The following TNPO3 variants were observed in gnomAD, a reference collection of about 807,000 sequenced individuals.
TNPO3 encodes the protein transportin 3, also known as transportin-3.
TNPO3 carries 65 observed loss-of-function variants against 122.8 expected under a neutral mutation model. The observed-to-expected ratio is 0.53, with a 90% CI of 0.43 to 0.65. The LOEUF (loss-of-function observed/expected upper bound fraction) is 0.65. Among genes scored for constraint, TNPO3 ranks in the 30% least tolerant of loss-of-function variants. The pLI is 0.00. For missense variants in TNPO3, 850 were observed against 1,136.7 expected (o/e 0.75, Z 3.63); for synonymous variants, 372 against 411.2 (o/e 0.90, Z 1.15).
chr7:128,979,118 C>T lies in TNPO3; in HGVS notation c.1926G>A (p.Trp642Ter), dbSNP rs760024167. 2 of 1,613,844 alleles carry T rather than the reference C, an allele frequency of 1.2e-6. No homozygotes were observed. Among genetic ancestry groups the T allele is most frequent in the South Asian group, 1.1e-5 (1 of 91,076 alleles). ...TATTTAGAGTCTCGGATAAAACTGG[C>T]CATATCTGGGTCAAAAGTAAAAGAG... ...HPCQKVIQEI[W>*]PVLSETLNKH... is the part of the protein sequence containing the mutation. Residue 642 changes from tryptophan (W) to a stop codon, truncating the protein, a stop_gained, in exon 16 of 23, where the codon TGG becomes TGA. Transcript: ENST00000265388. LOFTEE classifies it high-confidence loss of function.
intron 1 of TNPO3, among the ~76,000 whole-genome samples, chr7:129,033,066 C>T (rs1050372113): frequency 7.2e-5 from 11 of 151,986 alleles, no homozygotes; most frequent in African/African-American, 1.7e-4. Context: ...TGATCTTTGT[C>T]AAGGGTGCCA....
chr7:129,015,800 T>A (rs1287176410), intron 3 of TNPO3, among the ~76,000 whole-genome samples: 2 of 152,292 alleles, frequency 1.3e-5, no homozygotes, highest in East Asian at 3.9e-4. Context: ...ACCACTGCAC[T>A]TCAGCCTGGG....
At chr7:128,996,448 A>C (rs1173951319) in intron 8 of TNPO3, among the ~76,000 whole-genome samples, 1 of 152,108 alleles carries the variant, frequency 6.6e-6, no homozygotes, top group East Asian at 1.9e-4. Flanking sequence ...CTATTTAATA[A>C]GGTACAAAAT....
At chr7:129,020,791 A>T (rs1318989685) in intron 1 of TNPO3, among the ~76,000 whole-genome samples, 1 of 152,086 alleles carries the variant, frequency 6.6e-6, no homozygotes, top group Admixed American at 6.5e-5. Context: ...TACAATCTCC[A>T]CAAATCCCTC....
At chr7:128,968,222 T>G (rs774598890) in intron 20 of TNPO3, among the ~76,000 whole-genome samples, 39 of 152,232 alleles carry the variant, frequency 2.6e-4, no homozygotes, top group Non-Finnish European at 4.3e-4. Flanking sequence ...GCCATCTCTC[T>G]CAGAATAAGT....
chr7:128,962,722 A>T (rs1466685921), intron 21 of TNPO3, among the ~76,000 whole-genome samples: 1 of 152,212 alleles, frequency 6.6e-6, no homozygotes, highest in Non-Finnish European at 1.5e-5. Context: ...TGCTATAGGA[A>T]GAGCTGCAAA....
Position 128,979,214 on chromosome 7 carries a change from T to C in TNPO3, c.1921-91A>G, listed in dbSNP as rs531054654. The C allele has an allele frequency of 6.4e-5, 97 of 1,509,344 alleles. 1 individual carries two copies. The South Asian group carries it at 1.1e-3, about 18-fold the overall frequency. 93.5% of individuals were successfully genotyped at this position (1,509,344 alleles called of 1,614,324 possible). A position where few individuals can be genotyped will look rare whatever the true frequency, so the allele number is the denominator to read the frequency against. On this transcript the variant is annotated intron_variant, in intron 15 of 22. Transcript: ENST00000265388. ...AGTTGGTAACACCTCATTTAGCTTT[T>C]AAATAACTGGGACAAAACTTTCTGT...
chr7:129,008,314 C>T lies in TNPO3; in HGVS notation c.553-3155G>A, dbSNP rs1366606259. On this transcript the variant is annotated intron_variant, in intron 4 of 22. Transcript: ENST00000265388. ...GGAGGATCGCTTGAGCCCAGGAGTT[C>T]TAGACTAATCTGAGCAACAAAGTTA... is the stretch of plus-strand genomic sequence containing the variant. Among the ~76,000 whole-genome samples the T allele has an allele frequency of 3.3e-5, 5 of 151,802 alleles. No individual in the cohort carries two copies. The South Asian group carries it at 1.0e-3, about 32-fold the overall frequency.
Position 129,054,634 on chromosome 7 carries a change from C to A in TNPO3, c.120+17G>T. On this transcript the variant is annotated intron_variant, in intron 1 of 22. Coordinates refer to ENST00000265388, the MANE Select transcript of TNPO3 (RefSeq NM_012470.4). ...CCCCGGCCGTGCGGCACAGAACTGCCTCTCTGGGCCCCTCACCGAACGCTG... is the reference window on the plus strand; with the variant it reads ...CCCCGGCCGTGCGGCACAGAACTGCATCTCTGGGCCCCTCACCGAACGCTG... 2 of 1,613,022 alleles carry A rather than the reference C, an allele frequency of 1.2e-6. No homozygotes were observed. The highest frequency in any genetic ancestry group is 2.2e-5 in the South Asian group (2 of 91,064).
intron 14 of TNPO3, among the ~76,000 whole-genome samples, chr7:128,980,740 C>A (rs1420268914): frequency 6.6e-6 from 1 of 152,048 alleles, no homozygotes; most frequent in African/African-American, 2.4e-5. Context: ...AACAACAAAA[C>A]CAAACCTGAA....
intron 9 of TNPO3, among the ~76,000 whole-genome samples, chr7:128,992,939 AG>A (rs929864358): frequency 6.6e-6 from 1 of 152,158 alleles, no homozygotes; most frequent in Non-Finnish European, 1.5e-5. Context: ...AGCTAAAGAG[AG>A]ATGAGCTGAA....
chr7:129,024,646 A>T (rs1804895969), intron 1 of TNPO3, among the ~76,000 whole-genome samples: 1 of 152,196 alleles, frequency 6.6e-6, no homozygotes, highest in East Asian at 1.9e-4. Context: ...AAGGGAGAGT[A>T]GAACTGAATC....
chr7:129,039,794 C>G (rs1479606211), intron 1 of TNPO3, among the ~76,000 whole-genome samples: 1 of 152,106 alleles, frequency 6.6e-6, no homozygotes, highest in Non-Finnish European at 1.5e-5. Context: ...TTGAAAACAT[C>G]ATACTAACTG....
At chr7:129,035,448 G>C (rs1006970554) in intron 1 of TNPO3, among the ~76,000 whole-genome samples, 16 of 151,924 alleles carry the variant, frequency 1.1e-4, no homozygotes, top group African/African-American at 3.9e-4. Flanking sequence ...ACACAAAAAA[G>C]AAAGAAAAAA....
intron 19 of TNPO3, 103 bp downstream of exon 19, chr7:128,972,323 G>A (rs1483107781): frequency 9.2e-6 from 12 of 1,299,458 alleles, no homozygotes. Flanking sequence ...TACCAATATA[G>A]ATCAAGTAAG....
At chr7:129,015,955 A>T (rs1285295381) in intron 3 of TNPO3, among the ~76,000 whole-genome samples, 1 of 152,082 alleles carries the variant, frequency 6.6e-6, no homozygotes, top group Non-Finnish European at 1.5e-5. Context: ...TTTATTTAAA[A>T]AATAAGCTAT....
At chr7:129,049,438 T>C (rs2150566334) in intron 1 of TNPO3, among the ~76,000 whole-genome samples, 1 of 152,226 alleles carries the variant, frequency 6.6e-6, no homozygotes, top group African/African-American at 2.4e-5. Flanking sequence ...ATTTATAAAA[T>C]GACTAGAATG....
rs201028257 is a variant in TNPO3 at position 128,974,863 on chromosome 7, T to C, written c.2273+5A>G. On this transcript the variant is annotated splice_donor_5th_base_variant and intron_variant, in intron 18 of 22. Coordinates refer to ENST00000265388, the MANE Select transcript of TNPO3 (RefSeq NM_012470.4). The stretch of plus-strand genomic sequence containing the variant: ...TTAAGAAATGGGCTCTTCAGAAGGA[T>C]TTACCTGGTGGCTAGCCGGAACAGG... The C allele has an allele frequency of 6.1e-5, 98 of 1,612,400 alleles. No homozygotes were observed. Among genetic ancestry groups the C allele is most frequent in the East Asian group, 2.2e-5 (1 of 44,876 alleles).
intron 7 of TNPO3, among the ~76,000 whole-genome samples, chr7:128,999,172 G>A (rs1205345687): frequency 6.6e-6 from 1 of 152,162 alleles, no homozygotes; most frequent in Non-Finnish European, 1.5e-5. Context: ...GTACTTTTCT[G>A]AAAATTCTGA....
Sources: allele counts gnomAD v4.1 joint callset (sites outside exome capture counted in the v4.1 genomes callset), GRCh38; gene constraint gnomAD v4.1.1; transcripts MANE v1.5; gene names NCBI Gene and HGNC (gene_info 2026-07-23, HGNC 2026-07-21).